The following DSCAM variants were observed in gnomAD, a reference collection of about 807,000 sequenced individuals.
The protein encoded by DSCAM is DS cell adhesion molecule.
DSCAM carries 47 observed loss-of-function variants against 217.7 expected under a neutral mutation model. The ratio of observed to expected loss-of-function variants is 0.22; its 90% CI spans 0.17 to 0.28. DSCAM has a LOEUF of 0.28. Among genes scored for constraint, DSCAM ranks in the 10% least tolerant of loss-of-function variants. The pLI, the probability that DSCAM is intolerant of heterozygous loss-of-function variation, is 1.00. For missense variants in DSCAM, 2,080 were observed against 2,618.3 expected (o/e 0.79, Z 4.49); for synonymous variants, 1,056 against 1,015.3 (o/e 1.04, Z -0.76).
rs756912499 is a variant in DSCAM at position 40,509,710 on chromosome 21, C to T, written c.509-140465G>A. Among the ~76,000 whole-genome samples the T allele has an allele frequency of 1.3e-4, 20 of 152,274 alleles. 1 individual carries two copies. The highest frequency in any genetic ancestry group is 6.2e-4 in the South Asian group (3 of 4,824). ...ATGTAATCACATTAAAAAACAGGAA[C>T]GAGGCCCAAGCACAATGCCATCCTA... is the stretch of plus-strand genomic sequence containing the variant. On this transcript the variant is annotated intron_variant, in intron 3 of 32. Coordinates refer to ENST00000400454, the MANE Select transcript of DSCAM (RefSeq NM_001389.5).
At chr21:40,094,144 T>C (rs1483232332) in intron 20 of DSCAM, among the ~76,000 whole-genome samples, 1 of 152,096 alleles carries the variant, frequency 6.6e-6, no homozygotes, top group African/African-American at 2.4e-5. Flanking sequence ...TTGGCTGAGA[T>C]GGAGTAACAA....
At chr21:40,253,283 A>G (rs898995005) in intron 11 of DSCAM, among the ~76,000 whole-genome samples, 2 of 152,124 alleles carry the variant, frequency 1.3e-5, no homozygotes, top group Non-Finnish European at 2.9e-5. Context: ...TCTGTTAGGG[A>G]CTGTATAGCA....
intron 11 of DSCAM, among the ~76,000 whole-genome samples, chr21:40,204,603 C>A (rs767642371): frequency 6.6e-6 from 1 of 152,176 alleles, no homozygotes; most frequent in South Asian, 2.1e-4. Context: ...TATGGAGATA[C>A]AAAATAACAC....
chr21:40,298,187 T>C (rs1229780103), intron 9 of DSCAM, among the ~76,000 whole-genome samples: 1 of 150,300 alleles, frequency 6.7e-6, no homozygotes, highest in Admixed American at 6.6e-5. Context: ...GTTCAAGCAA[T>C]TCTCTGCCTC....
At chr21:40,347,556 A>T in intron 6 of DSCAM, 114 bp downstream of exon 6, 1 of 1,404,024 alleles carries the variant, frequency 7.1e-7, no homozygotes, top group Non-Finnish European at 9.7e-7. Context: ...CTAGCTGGTG[A>T]GACAGAGAGC....
chr21:40,465,736 G>A (rs2075839469), intron 3 of DSCAM, among the ~76,000 whole-genome samples: 1 of 152,054 alleles, frequency 6.6e-6, no homozygotes, highest in Admixed American at 6.5e-5. Flanking sequence ...GTTCCCCAGG[G>A]AAGCCAAAAG....
intron 10 of DSCAM, among the ~76,000 whole-genome samples, chr21:40,287,255 C>T (rs985154324): frequency 2.6e-5 from 4 of 152,226 alleles, no homozygotes; most frequent in African/African-American, 9.6e-5. Flanking sequence ...CAGTGTGAGC[C>T]CTCTCTTGAC....
intron 19 of DSCAM, among the ~76,000 whole-genome samples, chr21:40,130,552 C>T (rs561231116): frequency 4.6e-5 from 7 of 151,956 alleles, no homozygotes; most frequent in South Asian, 2.1e-4. Context: ...ACTCTATTTA[C>T]GGATGAGAGA....
At chr21:40,196,262 C>A (rs1305214768) in intron 11 of DSCAM, among the ~76,000 whole-genome samples, 1 of 152,170 alleles carries the variant, frequency 6.6e-6, no homozygotes, top group African/African-American at 2.4e-5. Context: ...GAATCTGACT[C>A]CAACCTCCTG....
chr21:40,091,122 T>C (rs2089603463), intron 21 of DSCAM, among the ~76,000 whole-genome samples: 1 of 152,180 alleles, frequency 6.6e-6, no homozygotes, highest in South Asian at 2.1e-4. Flanking sequence ...GGAAACTAGG[T>C]GTGAGGTAAA....
chr21:40,490,732 A>T (rs1400027857), intron 3 of DSCAM, among the ~76,000 whole-genome samples: 1 of 152,102 alleles, frequency 6.6e-6, no homozygotes, highest in Non-Finnish European at 1.5e-5. Context: ...TTTTATCCCC[A>T]CATTCTCTCC....
chr21:40,121,579 C>T (rs2090033745), intron 20 of DSCAM, among the ~76,000 whole-genome samples: 1 of 151,304 alleles, frequency 6.6e-6, no homozygotes, highest in Admixed American at 6.6e-5. Context: ...TTCTATGTCT[C>T]TAGTCTTTTT....
chr21:40,186,644 C>T (rs2146824614), intron 14 of DSCAM, among the ~76,000 whole-genome samples: 1 of 152,138 alleles, frequency 6.6e-6, no homozygotes, highest in East Asian at 1.9e-4. Context: ...CAGGAGGTTG[C>T]TCCAGAGTGA....
chr21:40,316,497 C>T (rs2074198325), intron 8 of DSCAM, among the ~76,000 whole-genome samples: 1 of 152,164 alleles, frequency 6.6e-6, no homozygotes, highest in Admixed American at 6.5e-5. Context: ...GAAAACTCTT[C>T]TCATGATTTT....
At chr21:40,175,046 C>G (rs944497532) in intron 15 of DSCAM, among the ~76,000 whole-genome samples, 1 of 152,202 alleles carries the variant, frequency 6.6e-6, no homozygotes, top group Admixed American at 6.5e-5. Context: ...TTGTCTTAGT[C>G]TTTTGGGGCT....
At chr21:40,211,784 C>T (rs1221750612) in intron 11 of DSCAM, among the ~76,000 whole-genome samples, 1 of 152,168 alleles carries the variant, frequency 6.6e-6, no homozygotes, top group Non-Finnish European at 1.5e-5. Flanking sequence ...GCATACTCTG[C>T]TAATAGGCAC....
chr21:40,577,408 G>A (rs193071838), intron 3 of DSCAM, among the ~76,000 whole-genome samples: 84 of 152,104 alleles, frequency 5.5e-4, no homozygotes, highest in African/African-American at 1.7e-3. Context: ...GCTCTCCTCC[G>A]GAAGACGGTC....
intron 1 of DSCAM, among the ~76,000 whole-genome samples, chr21:40,825,266 T>TTTCTTTCCTTCC (rs1555892730): frequency 2.9e-5 from 4 of 139,952 alleles, no homozygotes; most frequent in African/African-American, 8.1e-5. Flanking sequence ...ATTTTCTTTC[T>TTTCTTTCCTTCC]TTCCTTCCTT....
intron 11 of DSCAM, among the ~76,000 whole-genome samples, chr21:40,266,596 A>G (rs1173140815): frequency 7.1e-6 from 1 of 140,404 alleles, no homozygotes; most frequent in Non-Finnish European, 1.5e-5. Context: ...TATGGAATCA[A>G]CCTAAGTGTC....
Sources: allele counts gnomAD v4.1 joint callset (sites outside exome capture counted in the v4.1 genomes callset), GRCh38; gene constraint gnomAD v4.1.1; transcripts MANE v1.5; gene names NCBI Gene and HGNC (gene_info 2026-07-23, HGNC 2026-07-21).